TENM2: variants seen among roughly 807,000 people sequenced by gnomAD.
TENM2 encodes the protein teneurin transmembrane protein 2.
TENM2 carries 52 observed loss-of-function variants against 245.2 expected under a neutral mutation model. The ratio of observed to expected loss-of-function variants is 0.21; its 90% CI spans 0.17 to 0.27. TENM2 has a LOEUF of 0.27. Among genes scored for constraint, TENM2 ranks in the 10% least tolerant of loss-of-function variants. The pLI, the probability that TENM2 is intolerant of heterozygous loss-of-function variation, is 1.00. For missense variants in TENM2, 3,046 were observed against 3,666.8 expected (o/e 0.83, Z 4.37); for synonymous variants, 1,363 against 1,438.9 (o/e 0.95, Z 1.19).
chr5:168,065,000 G>A (rs912256333), intron 7 of TENM2, among the ~76,000 whole-genome samples: 4 of 152,224 alleles, frequency 2.6e-5, no homozygotes, highest in Admixed American at 1.3e-4. Context: ...ATAGGCGACT[G>A]ACGTCTCGAA....
At chr5:167,592,473 A>C (rs1398890307) in intron 2 of TENM2, among the ~76,000 whole-genome samples, 1 of 152,222 alleles carries the variant, frequency 6.6e-6, no homozygotes, top group African/African-American at 2.4e-5. Context: ...TAAGAGAACA[A>C]GGCAGCCCAG....
intron 1 of TENM2, among the ~76,000 whole-genome samples, chr5:167,344,284 A>ACG (rs1758312462): frequency 4.1e-5 from 2 of 48,514 alleles, no homozygotes; most frequent in Admixed American, 4.0e-4. Context: ...ACGTGCACGC[A>ACG]CACACACACA....
At chr5:167,238,327 A>G in the TENM2 span, among the ~76,000 whole-genome samples, 1,060 of 152,288 alleles carry the variant, frequency 7.0e-3, 19 homozygotes, top group African/African-American at 0.023. Flanking sequence ...CATACAATCA[A>G]TAGATCTCAG....
chr5:166,992,342 T>G, the TENM2 span, among the ~76,000 whole-genome samples: 1 of 152,218 alleles, frequency 6.6e-6, no homozygotes, highest in Non-Finnish European at 1.5e-5. Flanking sequence ...CTGTGTATTT[T>G]TTGTTGTTGT....
intron 2 of TENM2, among the ~76,000 whole-genome samples, chr5:167,865,473 C>A (rs1361780027): frequency 6.6e-6 from 1 of 152,142 alleles, no homozygotes; most frequent in East Asian, 1.9e-4. Context: ...GGGATTTTGC[C>A]ATGTTGCCCA....
At chr5:167,109,753 T>C in the TENM2 span, among the ~76,000 whole-genome samples, 1 of 152,216 alleles carries the variant, frequency 6.6e-6, no homozygotes, top group Non-Finnish European at 1.5e-5. Flanking sequence ...ATCCATTCTT[T>C]GGTTTTTCAA....
chr5:168,080,896 A>T (rs1791936776), intron 7 of TENM2, among the ~76,000 whole-genome samples: 1 of 152,204 alleles, frequency 6.6e-6, no homozygotes, highest in African/African-American at 2.4e-5. Flanking sequence ...GCTGAGAAGA[A>T]TGTATATTTT....
At chr5:167,232,721 G>A in the TENM2 span, among the ~76,000 whole-genome samples, 164 of 151,682 alleles carry the variant, frequency 1.1e-3, no homozygotes, top group Admixed American at 2.0e-3. Context: ...TCTTCACAGC[G>A]GTGTGAGAAC....
chr5:167,464,283 C>G (rs1766507113), intron 2 of TENM2, among the ~76,000 whole-genome samples: 1 of 152,014 alleles, frequency 6.6e-6, no homozygotes, highest in African/African-American at 2.4e-5. Context: ...GTTTTCTTTT[C>G]TTTTTTCACC....
At chr5:167,018,649 T>A in the TENM2 span, among the ~76,000 whole-genome samples, 1 of 152,186 alleles carries the variant, frequency 6.6e-6, no homozygotes, top group Non-Finnish European at 1.5e-5. Context: ...TCTGCCTCCA[T>A]CTAATCTCTG....
intron 3 of TENM2, among the ~76,000 whole-genome samples, chr5:167,926,499 C>A (rs1777771691): frequency 6.6e-6 from 1 of 152,116 alleles, no homozygotes; most frequent in African/African-American, 2.4e-5. Flanking sequence ...GCGGACAGAT[C>A]ACCTGAGGCC....
At chr5:167,649,526 C>T (rs1178132095) in intron 2 of TENM2, among the ~76,000 whole-genome samples, 1 of 152,196 alleles carries the variant, frequency 6.6e-6, no homozygotes, top group Non-Finnish European at 1.5e-5. Context: ...AAGAAAAACA[C>T]ACACACACAC....
chr5:168,226,497 G>T (rs1764199767), intron 24 of TENM2, among the ~76,000 whole-genome samples: 1 of 152,078 alleles, frequency 6.6e-6, no homozygotes, highest in South Asian at 2.1e-4. Context: ...CTAGATATTT[G>T]AACTGTCTAC....
chr5:168,115,407 AG>A lies in TENM2; in HGVS notation c.1814-2882del, dbSNP rs1370618924. Among the ~76,000 whole-genome samples the A allele has an allele frequency of 4.2e-4, 42 of 98,960 alleles. 2 individuals carry two copies. The highest frequency in any genetic ancestry group is 1.4e-3 in the South Asian group (4 of 2,860). 64.9% of individuals were successfully genotyped at this position (98,960 alleles called of 152,430 possible). ...AAGGAAGGAAGGAAGGAAGGAAGGA[AG>A]GGAAAGGAAAGGAAGGAAAGAAAAA... is the stretch of plus-strand genomic sequence containing the variant. On this transcript the variant is annotated intron_variant, in intron 9 of 28. Coordinates refer to ENST00000518659, the Ensembl canonical transcript of TENM2.
chr5:167,153,873 C>T, the TENM2 span, among the ~76,000 whole-genome samples: 1 of 152,108 alleles, frequency 6.6e-6, no homozygotes, highest in Non-Finnish European at 1.5e-5. Flanking sequence ...AAACTCATTA[C>T]ATTTTCTAAT....
intron 3 of TENM2, among the ~76,000 whole-genome samples, chr5:167,933,897 A>G (rs969795777): frequency 6.6e-6 from 1 of 152,232 alleles, no homozygotes; most frequent in Non-Finnish European, 1.5e-5. Flanking sequence ...GGCAGGTGGT[A>G]AAAGTGCTAA....
intron 5 of TENM2, among the ~76,000 whole-genome samples, chr5:168,011,272 C>A (rs1175095821): frequency 6.6e-6 from 1 of 152,220 alleles, no homozygotes; most frequent in Non-Finnish European, 1.5e-5. Flanking sequence ...CAGCAAGATT[C>A]TCTTCTTGCA....
At chr5:168,018,455 A>G (rs1785854115) in intron 5 of TENM2, among the ~76,000 whole-genome samples, 1 of 151,532 alleles carries the variant, frequency 6.6e-6, no homozygotes, top group African/African-American at 2.4e-5. Context: ...GGGGGAGAAA[A>G]GGATTGCATT....
At chr5:167,677,641 T>C (rs1453477747) in intron 2 of TENM2, among the ~76,000 whole-genome samples, 2 of 151,326 alleles carry the variant, frequency 1.3e-5, no homozygotes, top group Non-Finnish European at 3.0e-5. Flanking sequence ...TAGATTTCTA[T>C]AGGAAGTATC....
Sources: allele counts gnomAD v4.1 joint callset (sites outside exome capture counted in the v4.1 genomes callset), GRCh38; gene constraint gnomAD v4.1.1; transcripts MANE v1.5; gene names NCBI Gene and HGNC (gene_info 2026-07-23, HGNC 2026-07-21).